Variants in RAB3IL1 observed in about 807,000 individuals in gnomAD.
RAB3IL1 encodes guanine nucleotide exchange factor for Rab-3A.
A neutral mutation model predicts 49.2 loss-of-function variants in RAB3IL1; 37 were observed. That is an observed-to-expected ratio of 0.75 (90% CI 0.58 to 0.99). The LOEUF (loss-of-function observed/expected upper bound fraction) is 0.99, where lower values mean the gene tolerates loss of function less well. RAB3IL1 is among the 50% of genes least tolerant of loss of function. The pLI is 0.00. For missense variants in RAB3IL1, 484 were observed against 513.0 expected (o/e 0.94, Z 0.55); for synonymous variants, 193 against 213.9 (o/e 0.90, Z 0.85).
chr11:61,908,165 C>A lies in RAB3IL1; in HGVS notation c.153G>T (p.Gln51His). ...ETSAGEEAQG[Q>H]EGPAAAQLDV... ...CCAGCTGGGCGGCTGCGGGGCCCTC[C>A]TGGCCTTGGGCCTCCTCCCCTGCAG... Residue 51 changes from glutamine to histidine, a missense_variant, in exon 2 of 10, where the codon CAG becomes CAT. Coordinates refer to ENST00000394836, the MANE Select transcript of RAB3IL1 (RefSeq NM_013401.4). 6.4e-7 allele frequency: 1 copy of A among 1,562,550 alleles called. No individual in the cohort carries two copies. The highest frequency in any genetic ancestry group is 1.9e-5 in the Admixed American group (1 of 53,354).
intron 7 of RAB3IL1, among the ~76,000 whole-genome samples, chr11:61,903,770 C>A (rs554147266): frequency 1.6e-4 from 24 of 152,232 alleles, no homozygotes; most frequent in Non-Finnish European, 2.8e-4. Context: ...AGTGATCCAC[C>A]CGCCTCAACC....
chr11:61,917,482 G>T lies in RAB3IL1; in HGVS notation c.-115C>A. The T allele has an allele frequency of 8.7e-7, 1 of 1,150,224 alleles. No individual in the cohort carries two copies. Among genetic ancestry groups the T allele is most frequent in the Non-Finnish European group, 1.1e-6 (1 of 937,122 alleles). 71.3% of individuals were successfully genotyped at this position (1,150,224 alleles called of 1,614,324 possible). A position where few individuals can be genotyped will look rare whatever the true frequency, so the allele number is the denominator to read the frequency against. ...GGCCGAGCCGCCCCACCGCCTGTCA[G>T]CCCTGCCCGCGGCCGGTCAGTAGGT... On this transcript the variant is annotated 5_prime_UTR_variant, in exon 1 of 10. The change creates a new upstream start codon in the 5' untranslated region. Transcript: ENST00000394836.
intron 7 of RAB3IL1, 55 bp downstream of exon 7, chr11:61,904,491 C>T (rs1347204655): frequency 1.1e-5 from 16 of 1,507,244 alleles, no homozygotes; most frequent in Admixed American, 1.9e-5. Context: ...AGTAAACACA[C>T]GGCTTGGCGG....
intron 8 of RAB3IL1, among the ~76,000 whole-genome samples, chr11:61,901,040 C>T (rs1193605229): frequency 6.6e-6 from 1 of 152,096 alleles, no homozygotes; most frequent in Non-Finnish European, 1.5e-5. Context: ...GCTCAGCCTC[C>T]CTTTTGGTAA....
chr11:61,904,829 C>A lies in RAB3IL1; in HGVS notation c.711G>T (p.Leu237=). 5.0e-6 allele frequency: 8 copies of A among 1,611,324 alleles called. No individual in the cohort carries two copies. The highest frequency in any genetic ancestry group is 6.8e-6 in the Non-Finnish European group (8 of 1,178,722). Reference sequence around the variant, plus strand: ...TTTCCAGGAAGGGGCAGGTCTTGTCCAGGGTGGGGGATTCCCTCCAGGCCT... The same window carrying A: ...TTTCCAGGAAGGGGCAGGTCTTGTCAAGGGTGGGGGATTCCCTCCAGGCCT... ...EFQAWRESPT[L]DKTCPFLERV... The change falls in exon 6 of 10, where the codon CTG becomes CTT. Residue 237 remains leucine (L), a synonymous_variant. Coordinates refer to ENST00000394836, the MANE Select transcript of RAB3IL1 (RefSeq NM_013401.4).
At chr11:61,945,779 G>T in the RAB3IL1 span, 4 of 985,264 alleles carry the variant, frequency 4.1e-6, no homozygotes, top group South Asian at 1.9e-4. Flanking sequence ...TCACCTGGCC[G>T]ACTGCAGCCT....
At chr11:61,938,600 G>T in the RAB3IL1 span, among the ~76,000 whole-genome samples, 1 of 152,162 alleles carries the variant, frequency 6.6e-6, no homozygotes, top group Non-Finnish European at 1.5e-5. Context: ...AAAATGGACA[G>T]AATTCAAAGT....
the RAB3IL1 span, among the ~76,000 whole-genome samples, chr11:61,934,438 G>GTGTGTGTGTGTGTA: frequency 5.4e-5 from 1 of 18,476 alleles, no homozygotes; most frequent in Non-Finnish European, 1.4e-4. Context: ...GTGTGTGTGT[G>GTGTGTGTGTGTGTA]TGTGTGTGTA....
intron 1 of RAB3IL1, among the ~76,000 whole-genome samples, chr11:61,913,011 C>T (rs1170163794): frequency 6.6e-6 from 1 of 152,002 alleles, no homozygotes; most frequent in Non-Finnish European, 1.5e-5. Flanking sequence ...GAGTGAGGAA[C>T]TGGGAGGGGG....
the RAB3IL1 span, among the ~76,000 whole-genome samples, chr11:61,943,649 G>A: frequency 6.6e-6 from 1 of 152,032 alleles, no homozygotes; most frequent in African/African-American, 2.4e-5. Flanking sequence ...GAAAAAATGG[G>A]CAAAAGACTT....
At chr11:61,908,001 C>G in intron 2 of RAB3IL1, 53 bp downstream of exon 2, 2 of 1,558,990 alleles carry the variant, frequency 1.3e-6, no homozygotes, top group East Asian at 4.5e-5. Context: ...CCACAGCTCT[C>G]CCAACCTGAC....
chr11:61,926,246 T>C, the RAB3IL1 span, among the ~76,000 whole-genome samples: 3 of 151,518 alleles, frequency 2.0e-5, no homozygotes, highest in East Asian at 3.9e-4. Context: ...GGGAGCTCAA[T>C]AGAGGTGTTC....
chr11:61,910,648 G>A (rs1043145367), intron 1 of RAB3IL1, among the ~76,000 whole-genome samples: 4 of 152,084 alleles, frequency 2.6e-5, no homozygotes, highest in South Asian at 2.1e-4. Flanking sequence ...AGACACTCAC[G>A]AAGCCTGCCT....
chr11:61,908,297 C>T lies in RAB3IL1; in HGVS notation c.21G>A (p.Gln7=). Residue 7 remains glutamine (Q), a synonymous_variant, in exon 2 of 10, where the codon CAG becomes CAA. Coordinates refer to ENST00000394836, the MANE Select transcript of RAB3IL1 (RefSeq NM_013401.4). Reference sequence around the variant, plus strand: ...GGGGCGGCGGGAGGCCCTGGTCTGGCTGGGGTGGGCTGGAGACAAACAAGG... The same window carrying T: ...GGGGCGGCGGGAGGCCCTGGTCTGGTTGGGGTGGGCTGGAGACAAACAAGG... MWSGPP[Q]PDQGLPPPLA... 1.4e-6 allele frequency: 2 copies of T among 1,473,684 alleles called. No individual in the cohort carries two copies. The highest frequency in any genetic ancestry group is 9.0e-7 in the Non-Finnish European group (1 of 1,116,118). 91.3% of individuals were successfully genotyped at this position (1,473,684 alleles called of 1,614,324 possible). A position where few individuals can be genotyped will look rare whatever the true frequency, so the allele number is the denominator to read the frequency against.
chr11:61,924,291 A>C (rs1939960543), upstream of RAB3IL1, among the ~76,000 whole-genome samples: 1 of 152,160 alleles, frequency 6.6e-6, no homozygotes, highest in Admixed American at 6.5e-5. Flanking sequence ...TCAGCCCCAG[A>C]GATACAGCCC....
At chr11:61,905,155 T>C (rs1187396233) in intron 5 of RAB3IL1, among the ~76,000 whole-genome samples, 1 of 152,186 alleles carries the variant, frequency 6.6e-6, no homozygotes, top group African/African-American at 2.4e-5. Context: ...GTGCAGGGCT[T>C]TGTCCTGAAG....
chr11:61,920,337 A>G, upstream of RAB3IL1: 2 of 1,078,822 alleles, frequency 1.9e-6, no homozygotes, highest in Non-Finnish European at 2.4e-6. Context: ...ACCACCTCCC[A>G]GGACAGCCGC....
At chr11:61,944,141 A>G in the RAB3IL1 span, among the ~76,000 whole-genome samples, 1 of 152,078 alleles carries the variant, frequency 6.6e-6, no homozygotes, top group African/African-American at 2.4e-5. Context: ...TCAACAAAGT[A>G]AAAAAGACGA....
chr11:61,929,952 G>C, the RAB3IL1 span, among the ~76,000 whole-genome samples: 1 of 137,108 alleles, frequency 7.3e-6, no homozygotes, highest in Non-Finnish European at 1.5e-5. Flanking sequence ...GTGTGCAGTG[G>C]TGCAGTCTCG....
Sources: allele counts gnomAD v4.1 joint callset (sites outside exome capture counted in the v4.1 genomes callset), GRCh38; gene constraint gnomAD v4.1.1; transcripts MANE v1.5; gene names NCBI Gene and HGNC (gene_info 2026-07-23, HGNC 2026-07-21).